Variants in DHX15 observed in about 807,000 individuals in gnomAD.
DHX15 encodes the protein DEAH-box helicase 15.
DHX15 carries 11 observed loss-of-function variants against 94.4 expected under a neutral mutation model. That is an observed-to-expected ratio of 0.12 (90% CI 0.07 to 0.19). The LOEUF is 0.19. Ranked by LOEUF, DHX15 falls within the 10% of genes least tolerant of loss-of-function variation. The probability of loss-of-function intolerance (pLI) is 1.00; values close to 1 mark genes in which losing one functional copy is unlikely to be tolerated. For synonymous variants in DHX15, 338 were observed against 329.9 expected (o/e 1.02, Z -0.27); for missense variants, 304 against 988.5 (o/e 0.31, Z 9.29).
chr4:24,552,160 ACAGAAACAG>A (rs1366927312), intron 5 of DHX15, among the ~76,000 whole-genome samples: 2 of 152,200 alleles, frequency 1.3e-5, no homozygotes, highest in East Asian at 3.9e-4. Context: ...CAGAATATAA[ACAGAAACAG>A]GTAGTGGAGG....
chr4:24,542,005 G>C lies in DHX15; in HGVS notation c.1353C>G (p.Ile451Met). ...FAKQKVYNPR[I>M]RVESLLVTAI... is the part of the protein sequence containing the mutation. ...CTGTCACCAAAAGGGACTCAACTCT[G>C]ATTCGAGGATTGTAGACCTATTGGA... The change falls in exon 8 of 14, where the codon ATC becomes ATG. Residue 451 changes from isoleucine (I) to methionine (M), a missense_variant. By Grantham distance (10) the Ile-to-Met change is conservative (BLOSUM62 1). Transcript: ENST00000336812. 1 of 1,609,590 alleles carries C rather than the reference G, an allele frequency of 6.2e-7. No individual in the cohort carries two copies. The highest frequency in any genetic ancestry group is 8.5e-7 in the Non-Finnish European group (1 of 1,177,220).
Position 24,576,345 on chromosome 4 carries a change from A to C in DHX15, c.405T>G (p.Leu135=). 1 of 1,614,228 alleles carries C rather than the reference A, an allele frequency of 6.2e-7. No individual in the cohort carries two copies. The highest frequency in any genetic ancestry group is 8.5e-7 in the Non-Finnish European group (1 of 1,180,038). The change falls in exon 2 of 14, where the codon CTT becomes CTG. Residue 135 remains leucine, a synonymous_variant. Transcript: ENST00000336812. ...CCTTGTATTCCCAAACAGGGAGCTG[A>C]AGACGTTTCTTTAGAATATCATAGT... The part of the protein sequence containing the change: ...PRYYDILKKR[L]QLPVWEYKDR...
chr4:24,549,039 A>C lies in DHX15; in HGVS notation c.1081-17T>G. 3 of 1,600,062 alleles carry C rather than the reference A, an allele frequency of 1.9e-6. No individual in the cohort carries two copies. The highest frequency in any genetic ancestry group is 2.6e-6 in the Non-Finnish European group (3 of 1,172,962). Reference sequence around the variant, plus strand: ...ATCAATTTCCTACAAAATAAAAGTGAGTCTAAAAACGAATACTGAAACATT... The same window carrying C: ...ATCAATTTCCTACAAAATAAAAGTGCGTCTAAAAACGAATACTGAAACATT... On this transcript the variant is annotated splice_polypyrimidine_tract_variant and intron_variant, in intron 5 of 13. Transcript: ENST00000336812.
intron 10 of DHX15, 48 bp downstream of exon 10, chr4:24,540,060 C>T: frequency 7.3e-7 from 1 of 1,376,936 alleles, no homozygotes; most frequent in South Asian, 1.9e-5. Context: ...TGAAGTCCAC[C>T]CAAACTTTGA....
At chr4:24,572,836 G>A (rs1334521914) in intron 2 of DHX15, among the ~76,000 whole-genome samples, 2 of 152,130 alleles carry the variant, frequency 1.3e-5, no homozygotes, top group Non-Finnish European at 1.5e-5. Flanking sequence ...ACATTTCTAA[G>A]GAAAACAGCA....
intron 2 of DHX15, among the ~76,000 whole-genome samples, chr4:24,573,081 C>T (rs1164192722): frequency 6.6e-6 from 1 of 151,492 alleles, no homozygotes; most frequent in Non-Finnish European, 1.5e-5. Flanking sequence ...CAGCTGATTT[C>T]TGTATTTTTA....
intron 3 of DHX15, among the ~76,000 whole-genome samples, chr4:24,559,074 A>C (rs1233488165): frequency 1.3e-5 from 2 of 152,172 alleles, no homozygotes; most frequent in Non-Finnish European, 2.9e-5. Flanking sequence ...AATTTCAGAC[A>C]AGATCGCCCT....
chr4:24,547,866 TCTCTCTCTC>T lies in DHX15; in HGVS notation c.1248+980_1248+988del, dbSNP rs2109401170. On this transcript the variant is annotated intron_variant, in intron 6 of 13. Coordinates refer to ENST00000336812, the MANE Select transcript of DHX15 (RefSeq NM_001358.3). ...TAAATATTTAAGACATATATGTCTC[TCTCTCTCTC>T]TCTCTCTCTCTCTCTATGTATGTAT... 1.8e-3 allele frequency among the ~76,000 whole-genome samples: 2 copies of T among 1,140 alleles called. 1 individual carries two copies. Among genetic ancestry groups the T allele is most frequent in the African/African-American group, 2.4e-3 (2 of 830 alleles). 0.7% of individuals were successfully genotyped at this position (1,140 alleles called of 152,430 possible).
chr4:24,582,919 T>G (rs897742793), intron 1 of DHX15, among the ~76,000 whole-genome samples: 10 of 152,206 alleles, frequency 6.6e-5, no homozygotes, highest in African/African-American at 2.2e-4. Context: ...CCTAATATCG[T>G]AAACTAAATA....
At chr4:24,540,431 T>A (rs1310451739) in intron 9 of DHX15, 132 bp from the exon 10 acceptor site, 1 of 728,738 alleles carries the variant, frequency 1.4e-6, no homozygotes, top group Admixed American at 3.3e-5. Context: ...TGTCATCCAA[T>A]TCAATTATAC....
chr4:24,576,738 T>G (rs1722276547), intron 1 of DHX15, 60 bp from the exon 2 acceptor site: 2 of 1,573,166 alleles, frequency 1.3e-6, no homozygotes, highest in African/African-American at 1.4e-5. Context: ...CACGGTAGCG[T>G]TATAATCACA....
At chr4:24,560,886 C>T (rs1221802309) in intron 3 of DHX15, among the ~76,000 whole-genome samples, 3 of 152,054 alleles carry the variant, frequency 2.0e-5, no homozygotes, top group Non-Finnish European at 4.4e-5. Context: ...ATAAAGTAAT[C>T]CCATTTTTCA....
intron 3 of DHX15, among the ~76,000 whole-genome samples, chr4:24,559,398 A>G (rs1721815378): frequency 6.7e-6 from 1 of 149,854 alleles, no homozygotes; most frequent in Non-Finnish European, 1.5e-5. Flanking sequence ...AAAAAAAAAG[A>G]AACAGTACTT....
Position 24,584,504 on chromosome 4 carries a change from A to C in DHX15, c.-111T>G, listed in dbSNP as rs2109015794. The C allele has an allele frequency of 9.3e-7, 1 of 1,072,178 alleles. No homozygotes were observed. The highest frequency in any genetic ancestry group is 1.5e-5 in the South Asian group (1 of 65,310). 66.4% of individuals were successfully genotyped at this position (1,072,178 alleles called of 1,614,324 possible). A position where few individuals can be genotyped will look rare whatever the true frequency, so the allele number is the denominator to read the frequency against. On this transcript the variant is annotated 5_prime_UTR_variant, in exon 1 of 14. Transcript: ENST00000336812. ...GGACCCCCACCCCTCCCGCTACTAC[A>C]GCCCACACGGTGCGGCCGGAACCAA...
intron 1 of DHX15, among the ~76,000 whole-genome samples, chr4:24,580,158 A>G (rs1722376709): frequency 6.6e-6 from 1 of 152,222 alleles, no homozygotes; most frequent in African/African-American, 2.4e-5. Flanking sequence ...ATGTAATCCC[A>G]GTGCTTTGGG....
chr4:24,548,706 GAT>G, intron 6 of DHX15, 147 bp downstream of exon 6: 1 of 708,646 alleles, frequency 1.4e-6, no homozygotes, highest in Non-Finnish European at 2.2e-6. Context: ...AGGGTCAAGA[GAT>G]ATGCGGAACC....
At position 24,540,956 on chromosome 4, in the gene DHX15, A is replaced by G; in HGVS notation, c.1486-8T>C. 1.9e-6 allele frequency: 3 copies of G among 1,545,996 alleles called. No homozygotes were observed. Among genetic ancestry groups the G allele is most frequent in the Non-Finnish European group, 2.7e-6 (3 of 1,129,796 alleles). On this transcript the variant is annotated splice_region_variant and splice_polypyrimidine_tract_variant and intron_variant, in intron 8 of 13. Coordinates refer to ENST00000336812, the MANE Select transcript of DHX15 (RefSeq NM_001358.3). The stretch of plus-strand genomic sequence containing the variant: ...CTCAGGATAGGTGTTATCCTAGCAA[A>G]GAACAAAAACATTTATTGGTTATGT...
intron 3 of DHX15, chr4:24,563,560 C>A (rs554506983): frequency 6.6e-6 from 1 of 152,232 alleles, no homozygotes; most frequent in African/African-American, 2.4e-5. Context: ...GTTGTTGATT[C>A]CATCTGTAAA....
intron 5 of DHX15, among the ~76,000 whole-genome samples, chr4:24,549,578 A>G (rs1721540185): frequency 6.6e-6 from 1 of 152,216 alleles, no homozygotes; most frequent in African/African-American, 2.4e-5. Flanking sequence ...AACTACAGTC[A>G]CACGTTGCTT....
Sources: allele counts gnomAD v4.1 joint callset (sites outside exome capture counted in the v4.1 genomes callset), GRCh38; gene constraint gnomAD v4.1.1; transcripts MANE v1.5; gene names NCBI Gene and HGNC (gene_info 2026-07-23, HGNC 2026-07-21).